Variants in CD177 observed in about 807,000 individuals in gnomAD.
CD177 encodes the protein CD177 molecule, also known as CD177 antigen.
CD177 carries 41 observed loss-of-function variants against 38.1 expected under a neutral mutation model. The ratio of observed to expected loss-of-function variants is 1.07; its 90% CI spans 0.84 to 1.39. The LOEUF is 1.39. Among genes scored for constraint, CD177 ranks in the 40% most tolerant of loss-of-function variants. The pLI, the probability that CD177 is intolerant of heterozygous loss-of-function variation, is 0.00. For missense variants in CD177, 619 were observed against 523.8 expected (o/e 1.18, Z -1.77); for synonymous variants, 236 against 216.7 (o/e 1.09, Z -0.78).
chr19:43,359,935 A>G (rs997711041), intron 5 of CD177, among the ~76,000 whole-genome samples: 1 of 149,636 alleles, frequency 6.7e-6, no homozygotes, highest in Non-Finnish European at 1.5e-5. Context: ...CTTCCTTATT[A>G]TTGAAATGAG....
At chr19:43,363,656 C>T (rs1278476739), downstream of CD177, among the ~76,000 whole-genome samples, 4 of 152,174 alleles carry the variant, frequency 2.6e-5, no homozygotes, top group Non-Finnish European at 5.9e-5. Context: ...CCCCATAGAT[C>T]TGCCATTCAC....
Position 43,355,723 on chromosome 19 carries a change from G to C in CD177, c.442G>C (p.Glu148Gln). Residue 148 changes from glutamate to glutamine, a missense_variant, in exon 4 of 9, where the codon GAA becomes CAA. Transcript: ENST00000618265. ...SMEGCLEGTT[E>Q]EICPKGTTHC... ...GGAAGGCTGTCTGGAGGGGACAACA[G>C]AAGAGATCTGCCCCAAGGGGACCAC... The C allele has an allele frequency of 6.2e-7, 1 of 1,613,038 alleles. No individual in the cohort carries two copies. The highest frequency in any genetic ancestry group is 8.5e-7 in the Non-Finnish European group (1 of 1,179,360).
chr19:43,360,739 A>G lies in CD177; in HGVS notation c.760+334A>G, dbSNP rs538624414. Reference sequence around the variant, plus strand: ...ATTTGTTTTAGGTGCCGCAGATCCAATCCCATCTGTATTCCTGCAGCTTTA... The same window carrying G: ...ATTTGTTTTAGGTGCCGCAGATCCAGTCCCATCTGTATTCCTGCAGCTTTA... On this transcript the variant is annotated intron_variant, in intron 6 of 8. Transcript: ENST00000618265. 1,867 of 417,814 alleles carry G rather than the reference A, an allele frequency of 4.5e-3. 58 individuals are homozygous for G. In the East Asian group the frequency reaches 0.059, roughly 13 times the overall value. 25.9% of individuals were successfully genotyped at this position (417,814 alleles called of 1,614,324 possible).
chr19:43,364,477 C>T (rs1231729499), downstream of CD177, among the ~76,000 whole-genome samples: 2 of 151,962 alleles, frequency 1.3e-5, no homozygotes, highest in East Asian at 1.9e-4. Flanking sequence ...GAAATGTTAC[C>T]GCCATGAGTT....
At chr19:43,354,525 A>G in intron 3 of CD177, 133 bp downstream of exon 3, 1 of 883,764 alleles carries the variant, frequency 1.1e-6, no homozygotes, top group Non-Finnish European at 1.8e-6. Context: ...CCCTCCCCTG[A>G]CTGCTCCCTG....
At chr19:43,355,834 G>A in intron 4 of CD177, 51 bp downstream of exon 4, 5 of 1,611,132 alleles carry the variant, frequency 3.1e-6, no homozygotes, top group South Asian at 1.1e-5. Flanking sequence ...GAAGGTCTGG[G>A]GACTGAGATC....
intron 3 of CD177, chr19:43,354,613 TC>T (rs1458967905): frequency 1.0e-5 from 6 of 598,568 alleles, no homozygotes; most frequent in Non-Finnish European, 1.8e-5. Context: ...CACCCGGGAA[TC>T]CCCGCACCCC....
rs766185106 is a variant in CD177, at chr19:43,362,224, G to A, written c.1218G>A (p.Glu406=). The A allele has an allele frequency of 9.9e-6, 16 of 1,612,744 alleles. No individual in the cohort carries two copies. The Admixed American group carries it at 1.2e-4, about 12-fold the overall frequency. Residue 406 remains glutamate (E), a synonymous_variant, in exon 9 of 9, where the codon GAG becomes GAA. Coordinates refer to ENST00000618265, the MANE Select transcript of CD177 (RefSeq NM_020406.4). ...TGCAGCCTCCTGCCTCTCAGCATGA[G>A]GGAGGTGGGGCTGAGGGCCTGGAGT... is the stretch of plus-strand genomic sequence containing the variant. The part of the protein sequence containing the change: ...RDVQPPASQH[E]GGGAEGLESL...
chr19:43,361,556 A>T lies in CD177; in HGVS notation c.1058A>T (p.Asp353Val). The T allele has an allele frequency of 6.3e-7, 1 of 1,577,488 alleles. No individual in the cohort carries two copies. The highest frequency in any genetic ancestry group is 8.6e-7 in the Non-Finnish European group (1 of 1,159,668). Residue 353 changes from aspartate (D) to valine (V), a missense_variant, in exon 8 of 9, where the codon GAT becomes GTT. Asp to Val is a radical substitution (Grantham distance 152). Coordinates refer to ENST00000618265, the MANE Select transcript of CD177 (RefSeq NM_020406.4). ...TCPRGATHCY[D>V]GYIHLSGGGL... is the part of the protein sequence containing the mutation. The stretch of plus-strand genomic sequence containing the variant: ...CCCAGGGGCGCCACTCATTGTTATG[A>T]TGGGTACATTCATCTCTCAGGAGGT...
chr19:43,355,104 C>CTTTTT (rs1156547437), intron 3 of CD177, among the ~76,000 whole-genome samples: 116 of 26,798 alleles, frequency 4.3e-3, no homozygotes, highest in Non-Finnish European at 5.4e-3. Context: ...CTTTTCTTTT[C>CTTTTT]TTTTTTTTTT....
At chr19:43,361,959 C>G in intron 8 of CD177, 129 bp from the exon 9 acceptor site, 1 of 724,418 alleles carries the variant, frequency 1.4e-6, no homozygotes, top group Non-Finnish European at 2.3e-6. Context: ...ACCCCTGGGT[C>G]TGAGGAGCTG....
chr19:43,356,148 C>G, intron 5 of CD177, 40 bp downstream of exon 5: 1 of 480,738 alleles, frequency 2.1e-6, no homozygotes, highest in South Asian at 2.1e-5. Context: ...ACTGCAGCCT[C>G]GGGGCACGAT....
rs763313723 is a variant in CD177, at chr19:43,362,164, A to C, written c.1158A>C (p.Gln386His). The change falls in exon 9 of 9, where the codon CAA becomes CAC. Residue 386 changes from glutamine to histidine, a missense_variant. Gln to His is a conservative substitution (Grantham distance 24). Coordinates refer to ENST00000618265, the MANE Select transcript of CD177 (RefSeq NM_020406.4). ...PSSFLLNHTRQIGIFSAREKR... is the reference protein window; with the variant it reads ...PSSFLLNHTRHIGIFSAREKR... ...GCTTCTTGTTGAACCACACCAGACA[A>C]ATCGGGATCTTCTCTGCGCGTGAGA... 9.0e-5 allele frequency: 146 copies of C among 1,613,512 alleles called. 1 individual carries two copies. In the South Asian group the frequency reaches 1.5e-3, roughly 17 times the overall value.
rs1969887174 is a variant in CD177, at chr19:43,354,261, A to G, written c.248A>G (p.Glu83Gly). The G allele has an allele frequency of 1.2e-6, 2 of 1,613,694 alleles. No individual in the cohort carries two copies. The highest frequency in any genetic ancestry group is 1.7e-6 in the Non-Finnish European group (2 of 1,179,848). Residue 83 changes from glutamate to glycine, a missense_variant, in exon 3 of 9, where the codon GAG becomes GGG. Transcript: ENST00000618265. ...SKGCTEAKDQ[E>G]PRVTEHRMGP... ...GGCTGCACGGAGGCCAAGGACCAGG[A>G]GCCCCGCGTCACTGAGCACCGGATG...
Position 43,360,338 on chromosome 19 carries a change from C to A in CD177, c.693C>A (p.Thr231=). ...GNLAQEPTDW[T]TSNTEMCEVG... ...TGGCTCAAGAACCCACTGATTGGACCACATCGAATACCGAGATGTGCGAGG... is the reference window on the plus strand; with the variant it reads ...TGGCTCAAGAACCCACTGATTGGACAACATCGAATACCGAGATGTGCGAGG... Residue 231 remains threonine (T), a synonymous_variant, in exon 6 of 9, where the codon ACC becomes ACA. Coordinates refer to ENST00000618265, the MANE Select transcript of CD177 (RefSeq NM_020406.4). The A allele has an allele frequency of 2.5e-6, 4 of 1,612,474 alleles. No homozygotes were observed. Among genetic ancestry groups the A allele is most frequent in the Non-Finnish European group, 3.4e-6 (4 of 1,179,338 alleles).
At chr19:43,354,510 T>G in intron 3 of CD177, 118 bp downstream of exon 3, 1 of 1,034,230 alleles carries the variant, frequency 9.7e-7, no homozygotes, top group South Asian at 1.4e-5. Flanking sequence ...CCTCGCTGGC[T>G]CCATCCCTCC....
Position 43,362,331 on chromosome 19 carries a change from C to G in CD177, c.*11C>G, listed in dbSNP as rs747507190. The G allele has an allele frequency of 1.5e-6, 2 of 1,316,472 alleles. No individual in the cohort carries two copies. The highest frequency in any genetic ancestry group is 1.4e-5 in the African/African-American group (1 of 69,256). The allele number at this position is 1,316,472 out of a possible 1,614,324, so 81.5% of individuals were successfully genotyped here. A position where few individuals can be genotyped will look rare whatever the true frequency, so the allele number is the denominator to read the frequency against. On this transcript the variant is annotated 3_prime_UTR_variant, in exon 9 of 9. Transcript: ENST00000618265. ...TGCCCTTCCTGCTAACTCTATTACC[C>G]CCACGATTCTTCACCGCTGCTGACC...
downstream of CD177, among the ~76,000 whole-genome samples, chr19:43,365,752 C>T (rs1428405802): frequency 6.6e-6 from 1 of 151,344 alleles, no homozygotes; most frequent in Non-Finnish European, 1.5e-5. Flanking sequence ...GCCTGGTCTG[C>T]ACTTTCCTCC....
At position 43,354,329 on chromosome 19, in the gene CD177, CAGG is replaced by C; in HGVS notation, c.321_323del (p.Glu107del). The C allele has an allele frequency of 6.2e-7, 1 of 1,613,940 alleles. No individual in the cohort carries two copies. The highest frequency in any genetic ancestry group is 8.5e-7 in the Non-Finnish European group (1 of 1,179,868). ...GATCTCCTACACCTTCGTGTGCCGC[CAGG>C]AGGACTTCTGCAACAACCTCGTTAA... On this transcript the variant is annotated inframe_deletion, in exon 3 of 9. Transcript: ENST00000618265.
Sources: allele counts gnomAD v4.1 joint callset (sites outside exome capture counted in the v4.1 genomes callset), GRCh38; gene constraint gnomAD v4.1.1; transcripts MANE v1.5; gene names NCBI Gene and HGNC (gene_info 2026-07-23, HGNC 2026-07-21).